The following CDH19 variants were observed in gnomAD, a reference collection of about 807,000 sequenced individuals.
CDH19 encodes the protein cadherin-19.
CDH19 carries 67 observed loss-of-function variants against 64.2 expected under a neutral mutation model. The ratio of observed to expected loss-of-function variants is 1.04; its 90% CI spans 0.86 to 1.28. The LOEUF (loss-of-function observed/expected upper bound fraction) is 1.28. Among genes scored for constraint, CDH19 ranks in the 50% most tolerant of loss-of-function variants. The pLI is 0.00. For missense variants in CDH19, 1,030 were observed against 929.0 expected, an observed-to-expected ratio of 1.11 and a Z score of -1.41; for synonymous variants, 346 against 319.3, an observed-to-expected ratio of 1.08 and a Z score of -0.89.
intron 9 of CDH19, among the ~76,000 whole-genome samples, chr18:66,519,983 A>C (rs527672151): frequency 1.3e-5 from 2 of 152,224 alleles, no homozygotes; most frequent in East Asian, 3.9e-4. Flanking sequence ...CAGGAGATGG[A>C]GACCATCCTG....
intron 1 of CDH19, among the ~76,000 whole-genome samples, chr18:66,601,274 C>A (rs1335982934): frequency 6.6e-6 from 1 of 151,786 alleles, no homozygotes; most frequent in African/African-American, 2.4e-5. Flanking sequence ...AAAAAAATAG[C>A]GACTTCTTTT....
intron 1 of CDH19, among the ~76,000 whole-genome samples, chr18:66,590,656 T>C (rs1050011074): frequency 6.6e-6 from 1 of 152,040 alleles, no homozygotes; most frequent in Non-Finnish European, 1.5e-5. Context: ...TATTTGTATA[T>C]GTATTTATAT....
At chr18:66,571,786 T>C (rs938969420) in intron 2 of CDH19, among the ~76,000 whole-genome samples, 17 of 151,678 alleles carry the variant, frequency 1.1e-4, no homozygotes, top group African/African-American at 3.9e-4. Flanking sequence ...TGCATTTTCA[T>C]ACGGGATACT....
At chr18:66,569,690 T>C (rs995089289) in intron 2 of CDH19, among the ~76,000 whole-genome samples, 4 of 151,700 alleles carry the variant, frequency 2.6e-5, no homozygotes, top group Admixed American at 6.6e-5. Context: ...AATGATCACA[T>C]AGCTTTTCAT....
At chr18:66,530,473 G>A (rs1184704353) in intron 8 of CDH19, among the ~76,000 whole-genome samples, 3 of 151,848 alleles carry the variant, frequency 2.0e-5, no homozygotes, top group Non-Finnish European at 4.4e-5. Flanking sequence ...TTAGGGCGTA[G>A]CTTTTAAAAA....
chr18:66,597,273 C>CT (rs1184515110), intron 1 of CDH19, among the ~76,000 whole-genome samples: 1 of 150,428 alleles, frequency 6.6e-6, no homozygotes, highest in Non-Finnish European at 1.5e-5. Context: ...ACTCATAGAC[C>CT]AACAGAACTG....
rs1369896707 is a variant in CDH19, at chr18:66,602,007, C to A, written c.-113+1947G>T. Among the ~76,000 whole-genome samples, 3 of 151,984 alleles carry A rather than the reference C, an allele frequency of 2.0e-5. No homozygotes were observed. The East Asian group carries it at 5.8e-4, about 29-fold the overall frequency. On this transcript the variant is annotated intron_variant, in intron 1 of 11. Transcript: ENST00000262150. ...TCCATACTTAGTTGTGTTTCAACTT[C>A]AATCTGTTTCACCAAAGCAAAGATA... is the stretch of plus-strand genomic sequence containing the variant.
intron 1 of CDH19, among the ~76,000 whole-genome samples, chr18:66,575,332 T>G (rs1166834151): frequency 6.6e-6 from 1 of 151,784 alleles, no homozygotes; most frequent in Non-Finnish European, 1.5e-5. Context: ...GGAGACCTCA[T>G]CAGAAATGCT....
chr18:66,549,073 G>T (rs1271805589), intron 5 of CDH19, among the ~76,000 whole-genome samples: 1 of 152,034 alleles, frequency 6.6e-6, no homozygotes, highest in Non-Finnish European at 1.5e-5. Flanking sequence ...AAACCATGTG[G>T]ACAAGAGTAA....
chr18:66,551,700 A>C (rs1165081624), intron 4 of CDH19, among the ~76,000 whole-genome samples: 1 of 152,030 alleles, frequency 6.6e-6, no homozygotes, highest in Non-Finnish European at 1.5e-5. Flanking sequence ...GTCTACTTAG[A>C]ATTATGAGAT....
intron 3 of CDH19, among the ~76,000 whole-genome samples, chr18:66,564,443 C>A (rs1987831931): frequency 1.3e-5 from 2 of 151,678 alleles, no homozygotes; most frequent in Admixed American, 1.3e-4. Context: ...ATGTTGGACA[C>A]TTGATAATAT....
chr18:66,511,696 AG>A lies in CDH19; in HGVS notation c.1459-12del. On this transcript the variant is annotated splice_polypyrimidine_tract_variant and intron_variant, in intron 9 of 11. Transcript: ENST00000262150. ...GATAGTCTGAATTACCTAAAAAAAA[AG>A]GGGGATAGATTTTTGTTGTTGTTTG... 4.0e-6 allele frequency: 5 copies of A among 1,256,380 alleles called. No individual in the cohort carries two copies. Among genetic ancestry groups the A allele is most frequent in the Admixed American group, 1.8e-5 (1 of 55,302 alleles). 77.8% of individuals were successfully genotyped at this position (1,256,380 alleles called of 1,614,324 possible). A position where few individuals can be genotyped will look rare whatever the true frequency, so the allele number is the denominator to read the frequency against.
At chr18:66,505,436 T>C in intron 11 of CDH19, 134 bp from the exon 12 acceptor site, 2 of 707,926 alleles carry the variant, frequency 2.8e-6, no homozygotes, top group Non-Finnish European at 4.0e-6. Context: ...ACATTTGTTA[T>C]TGAAAATTTG....
intron 9 of CDH19, among the ~76,000 whole-genome samples, chr18:66,517,212 G>A (rs1464914937): frequency 6.6e-6 from 1 of 151,976 alleles, no homozygotes; most frequent in Non-Finnish European, 1.5e-5. Flanking sequence ...GGACACAAAA[G>A]TGAAAGGAAG....
intron 9 of CDH19, among the ~76,000 whole-genome samples, chr18:66,521,618 T>A (rs1985990086): frequency 6.6e-6 from 1 of 151,838 alleles, no homozygotes; most frequent in South Asian, 2.1e-4. Context: ...TCATTGCAGC[T>A]TTGAACTCCT....
At chr18:66,552,262 A>G (rs1987371431) in intron 4 of CDH19, among the ~76,000 whole-genome samples, 1 of 152,084 alleles carries the variant, frequency 6.6e-6, no homozygotes, top group Non-Finnish European at 1.5e-5. Context: ...ATGACATATG[A>G]GTATAAAATG....
At chr18:66,571,742 C>G (rs773688256) in intron 2 of CDH19, among the ~76,000 whole-genome samples, 1 of 151,500 alleles carries the variant, frequency 6.6e-6, no homozygotes, top group Non-Finnish European at 1.5e-5. Context: ...CCAAAAATAA[C>G]GCAATAAAGT....
Position 66,551,242 on chromosome 18 carries a change from A to C in CDH19, c.627T>G (p.Ser209=). Residue 209 remains serine (S), a synonymous_variant, in exon 5 of 12, where the codon TCT becomes TCG. Transcript: ENST00000262150. ...CTTGCAGTTCTCTATCCATTTTAGAAGATATTCTTATGACTCCTTTAAAAA... is the reference window on the plus strand; with the variant it reads ...CTTGCAGTTCTCTATCCATTTTAGACGATATTCTTATGACTCCTTTAAAAA... ...VEPTTGVIRI[S]SKMDRELQDE... is the part of the protein sequence containing the mutation. 6.7e-7 allele frequency: 1 copy of C among 1,488,718 alleles called. No homozygotes were observed. The highest frequency in any genetic ancestry group is 9.3e-7 in the Non-Finnish European group (1 of 1,069,700). 92.2% of individuals were successfully genotyped at this position (1,488,718 alleles called of 1,614,324 possible).
chr18:66,527,983 TA>T (rs1199921626), intron 9 of CDH19, among the ~76,000 whole-genome samples: 1 of 151,600 alleles, frequency 6.6e-6, no homozygotes, highest in Non-Finnish European at 1.5e-5. Context: ...ATAATTATAA[TA>T]AATATAAACC....
Sources: gnomAD v4.1 joint callset for allele counts (sites outside exome capture counted in the v4.1 genomes callset) on GRCh38, gnomAD v4.1.1 for gene constraint, MANE v1.5 for transcripts, NCBI Gene and HGNC (gene_info 2026-07-23, HGNC 2026-07-21) for gene names.